Variants in ARHGEF10L observed in about 807,000 individuals in gnomAD.
ARHGEF10L encodes the protein Rho guanine nucleotide exchange factor 10 like.
In ARHGEF10L, 69 loss-of-function variants were observed where a neutral mutation model predicts 141.2. That is an observed-to-expected ratio of 0.49 (90% CI 0.40 to 0.60). The LOEUF (loss-of-function observed/expected upper bound fraction) is 0.60, where lower values mean the gene tolerates loss of function less well. Ranked by LOEUF, ARHGEF10L falls within the 20% of genes least tolerant of loss-of-function variation. ARHGEF10L has a pLI of 0.00. For synonymous variants in ARHGEF10L, 711 were observed against 718.5 expected (o/e 0.99, Z 0.17); for missense variants, 1,482 against 1,734.3 (o/e 0.85, Z 2.58).
intron 7 of ARHGEF10L, among the ~76,000 whole-genome samples, chr1:17,612,303 C>A (rs1350701534): frequency 2.6e-5 from 4 of 152,076 alleles, no homozygotes; most frequent in Non-Finnish European, 4.4e-5. Context: ...CAGCACAGCA[C>A]TGCCTGAATC....
Position 17,558,828 on chromosome 1 carries a change from T to A in ARHGEF10L, c.-44+18878T>A, listed in dbSNP as rs116265782. 4.4e-3 allele frequency among the ~76,000 whole-genome samples: 673 copies of A among 152,164 alleles called. 3 individuals carry two copies. Among genetic ancestry groups the A allele is most frequent in the African/African-American group, 0.015 (604 of 41,504 alleles). On this transcript the variant is annotated intron_variant, in intron 1 of 28. Transcript: ENST00000361221. The surrounding 1 kb of genome is among the most constrained non-coding windows in gnomAD (Gnocchi z 4.2). The stretch of plus-strand genomic sequence containing the variant: ...TGGCTCTGTGGGGCCACAGATAGGG[T>A]CCAGGCAGGGGACAACACTGTGCCA...
At chr1:17,577,298 G>A (rs1277430595) in intron 1 of ARHGEF10L, among the ~76,000 whole-genome samples, 1 of 152,126 alleles carries the variant, frequency 6.6e-6, no homozygotes, top group Non-Finnish European at 1.5e-5. Context: ...TGCCTGCCCC[G>A]GCCTCCCAAA....
At chr1:17,618,856 G>A (rs1408230216) in intron 9 of ARHGEF10L, among the ~76,000 whole-genome samples, 1 of 152,060 alleles carries the variant, frequency 6.6e-6, no homozygotes, top group Non-Finnish European at 1.5e-5. Context: ...TTTCCCTTTA[G>A]CTCTGCATGT....
At chr1:17,531,466 A>C in the ARHGEF10L span, among the ~76,000 whole-genome samples, 5 of 152,318 alleles carry the variant, frequency 3.3e-5, no homozygotes, top group African/African-American at 1.2e-4. Context: ...GTCTGGGGGA[A>C]GGAGCATGAA....
At chr1:17,590,557 G>A (rs1207312190) in intron 4 of ARHGEF10L, among the ~76,000 whole-genome samples, 9 of 152,128 alleles carry the variant, frequency 5.9e-5, no homozygotes, top group Non-Finnish European at 1.3e-4. Context: ...TTTTTTGGAG[G>A]GGGATGTTTT....
chr1:17,533,406 G>T, the ARHGEF10L span, among the ~76,000 whole-genome samples: 2 of 152,034 alleles, frequency 1.3e-5, no homozygotes, highest in South Asian at 2.1e-4. Context: ...TTGGCCTCAA[G>T]CAATCCTCCC....
intron 1 of ARHGEF10L, among the ~76,000 whole-genome samples, chr1:17,553,080 T>A (rs1400652117): frequency 6.6e-6 from 1 of 152,242 alleles, no homozygotes; most frequent in Non-Finnish European, 1.5e-5. Context: ...TGGCTCATCA[T>A]CTTTCAGCCA....
chr1:17,629,490 C>T (rs1338530031), intron 15 of ARHGEF10L, among the ~76,000 whole-genome samples: 1 of 152,166 alleles, frequency 6.6e-6, no homozygotes, highest in Non-Finnish European at 1.5e-5. Context: ...TGCCCACTTC[C>T]CCTTGGTTCC....
rs369293889 is a variant in ARHGEF10L, at chr1:17,634,453, C to T, written c.1731-95C>T. ...TGTCTCTCCTTCTATTCCCGATGCCCAGCCCCATGGCTGGCCCCCAGCGGG... is the reference window on the plus strand; with the variant it reads ...TGTCTCTCCTTCTATTCCCGATGCCTAGCCCCATGGCTGGCCCCCAGCGGG... On this transcript the variant is annotated intron_variant, in intron 16 of 28. Coordinates refer to ENST00000361221, the MANE Select transcript of ARHGEF10L (RefSeq NM_018125.4). 38 of 1,598,154 alleles carry T rather than the reference C, an allele frequency of 2.4e-5. 1 individual carries two copies. The East Asian group carries it at 5.6e-4, about 23-fold the overall frequency.
intron 27 of ARHGEF10L, among the ~76,000 whole-genome samples, chr1:17,692,065 C>T (rs1332774887): frequency 1.3e-5 from 2 of 152,332 alleles, no homozygotes; most frequent in Non-Finnish European, 2.9e-5. Flanking sequence ...TGGCCTGAGC[C>T]TCCCATGTTG....
chr1:17,534,101 A>G, the ARHGEF10L span, among the ~76,000 whole-genome samples: 1 of 151,404 alleles, frequency 6.6e-6, no homozygotes, highest in African/African-American at 2.4e-5. Flanking sequence ...AGCTGGGATT[A>G]CAAGCAGCTG....
In ARHGEF10L at chr1:17,627,374, G is replaced by A. The variant is rs200701697; in HGVS notation, c.1455G>A (p.Ser485=). The change falls in exon 15 of 29, where the codon TCG becomes TCA. Residue 485 remains serine (S), a synonymous_variant. Transcript: ENST00000361221. This position sits in a 1 kb window ranked among gnomAD's most constrained non-coding sequence, Gnocchi z 4.0. The part of the protein sequence containing the change: ...NTPRGHPDRL[S]LQLALTELET... ...CCAGGGGCCATCCGGACAGGCTGTC[G>A]CTGCAGCTGGCCCTCACAGAGCTGG... 11 of 1,613,968 alleles carry A rather than the reference G, an allele frequency of 6.8e-6. No homozygotes were observed. The highest frequency in any genetic ancestry group is 2.2e-5 in the East Asian group (1 of 44,896).
intron 26 of ARHGEF10L, among the ~76,000 whole-genome samples, chr1:17,684,873 A>G (rs1473397755): frequency 6.6e-6 from 1 of 151,594 alleles, no homozygotes; most frequent in East Asian, 1.9e-4. Context: ...CTTTCCTGCT[A>G]CCCCTGCCTC....
intron 27 of ARHGEF10L, among the ~76,000 whole-genome samples, chr1:17,693,198 C>T (rs1452606057): frequency 6.6e-6 from 1 of 152,224 alleles, no homozygotes; most frequent in Non-Finnish European, 1.5e-5. Flanking sequence ...AGCTATATTT[C>T]CAGTGCTCGG....
chr1:17,695,773 G>A (rs1211290069), intron 28 of ARHGEF10L, among the ~76,000 whole-genome samples: 2 of 111,942 alleles, frequency 1.8e-5, no homozygotes, highest in Non-Finnish European at 3.7e-5. Context: ...TTGGATGCCT[G>A]GAGCTCCGGG....
intron 27 of ARHGEF10L, among the ~76,000 whole-genome samples, chr1:17,689,452 C>CT (rs2064882091): frequency 6.9e-6 from 1 of 144,876 alleles, no homozygotes; most frequent in Non-Finnish European, 1.5e-5. Context: ...TGCCTCCTTC[C>CT]CCCTCTCTCC....
chr1:17,668,247 G>A (rs1468024981), intron 26 of ARHGEF10L, among the ~76,000 whole-genome samples: 4 of 152,256 alleles, frequency 2.6e-5, no homozygotes, highest in Non-Finnish European at 5.9e-5. Flanking sequence ...CCCGGGGTCG[G>A]TGTTGTCAGT....
At chr1:17,581,309 CAAA>C (rs71014975) in intron 2 of ARHGEF10L, among the ~76,000 whole-genome samples, 6 of 69,288 alleles carry the variant, frequency 8.7e-5, no homozygotes, top group South Asian at 6.8e-4. Context: ...AAGACTGTCT[CAAA>C]AAAAAAAAAA....
intron 12 of ARHGEF10L, among the ~76,000 whole-genome samples, chr1:17,624,093 G>A (rs2060251943): frequency 6.6e-6 from 1 of 152,194 alleles, no homozygotes; most frequent in Non-Finnish European, 1.5e-5. Context: ...GTGGGCTTGG[G>A]CTGCTGCACT....
Sources: allele counts gnomAD v4.1 joint callset (sites outside exome capture counted in the v4.1 genomes callset), GRCh38; gene constraint gnomAD v4.1.1; non-coding constraint Gnocchi (gnomAD v3.1); transcripts MANE v1.5; gene names NCBI Gene and HGNC (gene_info 2026-07-23, HGNC 2026-07-21).